Variants in PRKG1 observed in about 807,000 individuals in gnomAD.
PRKG1 encodes protein kinase cGMP-dependent 1.
In PRKG1, 35 loss-of-function variants were observed where a neutral mutation model predicts 88.1. The observed-to-expected ratio is 0.40, with a 90% CI of 0.30 to 0.53. PRKG1 has a LOEUF of 0.53. Among genes scored for constraint, PRKG1 ranks in the 20% least tolerant of loss-of-function variants. The pLI is 0.59. For missense variants in PRKG1, 540 were observed against 839.8 expected (o/e 0.64, Z 4.41); for synonymous variants, 303 against 292.5 (o/e 1.04, Z -0.37).
At chr10:51,014,735 TTTTACATA>T (rs1206629721) in intron 1 of PRKG1, among the ~76,000 whole-genome samples, 2 of 152,164 alleles carry the variant, frequency 1.3e-5, no homozygotes, top group Non-Finnish European at 2.9e-5. Context: ...TACATGTTTG[TTTTACATA>T]TTTACATATT....
chr10:52,012,529 A>ACCGCGCCCAG (rs1844917775), intron 5 of PRKG1, among the ~76,000 whole-genome samples: 1 of 152,022 alleles, frequency 6.6e-6, no homozygotes, highest in East Asian at 1.9e-4. Flanking sequence ...GGCGTGAGCC[A>ACCGCGCCCAG]CCGCGCCCAG....
Position 51,218,532 on chromosome 10 carries a change from A to ATATATATAT in PRKG1, c.478+65202_478+65203insTATATATAT, listed in dbSNP as rs61030217. Among the ~76,000 whole-genome samples, 11 of 49,408 alleles carry ATATATATAT rather than the reference A, an allele frequency of 2.2e-4. 1 individual carries two copies. The highest frequency in any genetic ancestry group is 2.8e-4 in the Non-Finnish European group (8 of 28,492). 32.4% of individuals were successfully genotyped at this position (49,408 alleles called of 152,430 possible). On this transcript the variant is annotated intron_variant, in intron 2 of 17. Transcript: ENST00000373980. ...ATATATATATATATATATATATATA[A>ATATATATAT]AATGTGTGTATTTGGCATTTATATA...
chr10:51,305,535 A>T (rs55875627), intron 2 of PRKG1, among the ~76,000 whole-genome samples: 12,029 of 152,138 alleles, frequency 0.079, 617 homozygotes, highest in Non-Finnish European at 0.12. Flanking sequence ...AATCCTCAAA[A>T]ACAAAAACTT....
chr10:51,228,198 G>A (rs915567245), intron 2 of PRKG1, among the ~76,000 whole-genome samples: 2 of 152,130 alleles, frequency 1.3e-5, no homozygotes, highest in Admixed American at 1.3e-4. Context: ...TAAAGGTCTG[G>A]GATAGATGCA....
intron 3 of PRKG1, among the ~76,000 whole-genome samples, chr10:51,720,525 T>G (rs950560329): frequency 1.3e-5 from 2 of 152,286 alleles, no homozygotes; most frequent in South Asian, 4.2e-4. Flanking sequence ...ATGACGAGAG[T>G]GCTTTGCTTT....
chr10:51,917,194 C>T (rs1221717049), intron 5 of PRKG1, among the ~76,000 whole-genome samples: 2 of 151,878 alleles, frequency 1.3e-5, no homozygotes, highest in African/African-American at 4.8e-5. Context: ...TGGCACATGC[C>T]TGTAGTCCTA....
At chr10:51,368,498 TC>T (rs1842634981) in intron 2 of PRKG1, among the ~76,000 whole-genome samples, 1 of 152,102 alleles carries the variant, frequency 6.6e-6, no homozygotes, top group Non-Finnish European at 1.5e-5. Flanking sequence ...TCTTCTAGCA[TC>T]TATACCTTTC....
intron 9 of PRKG1, among the ~76,000 whole-genome samples, chr10:52,171,731 G>T (rs1360985959): frequency 6.9e-6 from 1 of 143,902 alleles, no homozygotes; most frequent in Non-Finnish European, 1.5e-5. Flanking sequence ...AAAAAAAAAT[G>T]ATTTTCAGGA....
At chr10:51,833,185 T>C (rs1840046563) in intron 4 of PRKG1, among the ~76,000 whole-genome samples, 2 of 152,130 alleles carry the variant, frequency 1.3e-5, no homozygotes, top group African/African-American at 2.4e-5. Context: ...AAGCAAGAAA[T>C]GACAGACTGC....
chr10:50,991,667 C>A lies in PRKG1; in HGVS notation c.266+23C>A, dbSNP rs1038240012. The stretch of plus-strand genomic sequence containing the variant: ...AAGGTAGGCGCGGAGGCCGTGGGCC[C>A]GGGCGCTCGTCCCGGCCCGCGGCGC... On this transcript the variant is annotated intron_variant, in intron 1 of 17. Coordinates refer to the PRKG1 transcript ENST00000401604. This position sits in a 1 kb window ranked among gnomAD's most constrained non-coding sequence, Gnocchi z 4.5. The A allele has an allele frequency of 1.4e-6, 2 of 1,456,738 alleles. No individual in the cohort carries two copies. The highest frequency in any genetic ancestry group is 3.0e-5 in the African/African-American group (2 of 67,114). The allele number at this position is 1,456,738 out of a possible 1,614,324, so 90.2% of individuals were successfully genotyped here.
intron 7 of PRKG1, among the ~76,000 whole-genome samples, chr10:52,076,586 T>G (rs2133295990): frequency 6.6e-6 from 1 of 152,220 alleles, no homozygotes; most frequent in East Asian, 1.9e-4. Context: ...AGGAGAAGAT[T>G]TTATTAAAAT....
intron 1 of PRKG1, among the ~76,000 whole-genome samples, chr10:50,999,972 C>T (rs1246361011): frequency 6.6e-6 from 1 of 152,198 alleles, no homozygotes; most frequent in African/African-American, 2.4e-5. Flanking sequence ...AAGAGGAGCA[C>T]TATCTAGAAC....
intron 7 of PRKG1, among the ~76,000 whole-genome samples, chr10:52,124,647 ATTAACT>A (rs138573091): frequency 0.059 from 8,975 of 152,168 alleles, 503 homozygotes; most frequent in East Asian, 0.36. Flanking sequence ...TCAATAATAA[ATTAACT>A]TTAGCTTATT....
intron 4 of PRKG1, among the ~76,000 whole-genome samples, chr10:51,859,174 A>G (rs1410592494): frequency 1.3e-5 from 2 of 152,222 alleles, no homozygotes; most frequent in Non-Finnish European, 2.9e-5. Context: ...TTGGCGTTCA[A>G]ATGTGTATTT....
At chr10:51,404,789 G>C (rs547452297) in intron 2 of PRKG1, among the ~76,000 whole-genome samples, 8 of 152,172 alleles carry the variant, frequency 5.3e-5, no homozygotes, top group African/African-American at 1.4e-4. Context: ...GCACATTTTT[G>C]GCCATGGAGA....
chr10:52,187,245 CT>C, intron 9 of PRKG1, among the ~76,000 whole-genome samples: 2 of 152,074 alleles, frequency 1.3e-5, no homozygotes, highest in African/African-American at 4.8e-5. Context: ...CAGTTTGCTT[CT>C]ACACATTGTT....
chr10:52,018,447 C>T (rs1478586290), intron 5 of PRKG1, among the ~76,000 whole-genome samples: 1 of 152,134 alleles, frequency 6.6e-6, no homozygotes, highest in Non-Finnish European at 1.5e-5. Flanking sequence ...ACAACATCCA[C>T]ATAGATGTTG....
At chr10:51,103,883 C>A (rs1158964883) in intron 1 of PRKG1, among the ~76,000 whole-genome samples, 1 of 152,172 alleles carries the variant, frequency 6.6e-6, no homozygotes, top group Non-Finnish European at 1.5e-5. Context: ...ACAAAAACAA[C>A]AGCTGCTAAC....
chr10:51,070,844 T>G (rs1485541141), upstream of PRKG1, among the ~76,000 whole-genome samples: 5 of 152,180 alleles, frequency 3.3e-5, no homozygotes. Context: ...ATTAAAGTTA[T>G]GAAAAAGGAA....
Sources: allele counts gnomAD v4.1 joint callset (sites outside exome capture counted in the v4.1 genomes callset), GRCh38; gene constraint gnomAD v4.1.1; non-coding constraint Gnocchi (gnomAD v3.1); transcripts MANE v1.5; gene names NCBI Gene and HGNC (gene_info 2026-07-23, HGNC 2026-07-21).